The following LRP1B variants were observed in gnomAD, a reference collection of about 807,000 sequenced individuals.
LRP1B encodes the protein LDL receptor related protein 1B.
LRP1B carries 217 observed loss-of-function variants against 556.6 expected under a neutral mutation model. That is an observed-to-expected ratio of 0.39 (90% CI 0.35 to 0.44). The LOEUF (loss-of-function observed/expected upper bound fraction) is 0.44. Ranked by LOEUF, LRP1B falls within the 20% of genes least tolerant of loss-of-function variation. The probability of loss-of-function intolerance (pLI) is 1.00; values close to 1 mark genes in which losing one functional copy is unlikely to be tolerated. For synonymous variants in LRP1B, 2,047 were observed against 1,865.8 expected, an observed-to-expected ratio of 1.10 and a Z score of -2.50; for missense variants, 5,053 against 5,620.8, an observed-to-expected ratio of 0.90 and a Z score of 3.23.
chr2:141,976,745 G>A (rs1701899091), intron 1 of LRP1B, among the ~76,000 whole-genome samples: 1 of 152,156 alleles, frequency 6.6e-6, no homozygotes, highest in South Asian at 2.1e-4. Context: ...ATCTAGGTGG[G>A]TGGAACTGAT....
At chr2:141,785,606 G>A (rs1695405527) in intron 2 of LRP1B, among the ~76,000 whole-genome samples, 1 of 151,276 alleles carries the variant, frequency 6.6e-6, no homozygotes, top group Non-Finnish European at 1.5e-5. Context: ...AGTAAAGATG[G>A]TCAGAGTGTT....
intron 1 of LRP1B, among the ~76,000 whole-genome samples, chr2:142,088,974 C>CA (rs1289382985): frequency 0.13 from 5,185 of 39,548 alleles, 181 homozygotes; most frequent in Non-Finnish European, 0.16. Flanking sequence ...GGCTCCGTCT[C>CA]AAAAAAAAAA....
At chr2:140,967,901 AT>A (rs1281653836) in intron 18 of LRP1B, among the ~76,000 whole-genome samples, 2 of 151,488 alleles carry the variant, frequency 1.3e-5, no homozygotes, top group Non-Finnish European at 2.9e-5. Context: ...CCACTTGATC[AT>A]GGTGGATAAG....
At chr2:140,781,818 C>T (rs750228726) in intron 32 of LRP1B, among the ~76,000 whole-genome samples, 2 of 152,210 alleles carry the variant, frequency 1.3e-5, no homozygotes, top group Non-Finnish European at 2.9e-5. Context: ...ATACTTCTTT[C>T]TCCCTCATTC....
At chr2:140,252,302 T>A (rs1681472816) in intron 86 of LRP1B, among the ~76,000 whole-genome samples, 2 of 151,860 alleles carry the variant, frequency 1.3e-5, no homozygotes, top group African/African-American at 4.8e-5. Context: ...AAAAATTTTC[T>A]ATCTCAACTT....
intron 3 of LRP1B, among the ~76,000 whole-genome samples, chr2:141,419,840 G>A (rs1468192382): frequency 6.9e-6 from 1 of 144,246 alleles, no homozygotes; most frequent in African/African-American, 2.6e-5. Flanking sequence ...TTATTTATTT[G>A]AGATCTTTAT....
intron 84 of LRP1B, among the ~76,000 whole-genome samples, chr2:140,276,720 C>T (rs1682686464): frequency 6.6e-6 from 1 of 151,964 alleles, no homozygotes; most frequent in Non-Finnish European, 1.5e-5. Flanking sequence ...TCTGATGAGA[C>T]ATAGAAGTCT....
chr2:140,435,940 CG>C (rs1449839951), intron 66 of LRP1B, among the ~76,000 whole-genome samples: 1 of 151,806 alleles, frequency 6.6e-6, no homozygotes, highest in African/African-American at 2.4e-5. Context: ...TGCCATTATG[CG>C]GGCTCTCTCT....
chr2:140,233,271 C>T lies in LRP1B; in HGVS notation c.13715G>A (p.Cys4572Tyr), dbSNP rs764168921. ...ATCAACACTTCCTAAGGAGTTTCGA[C>T]AGTTTTGCCCATCCATATATAATTT... Reference protein sequence around the residue: ...YAKLYMDGQNCRNSLGSVDER... With the variant: ...YAKLYMDGQNYRNSLGSVDER... The change falls in exon 91 of 91, where the codon TGT (cysteine) becomes TAT (tyrosine). Residue 4572 changes from cysteine to tyrosine, a missense_variant. By Grantham distance (194) the Cys-to-Tyr change is radical. Coordinates refer to ENST00000389484, the MANE Select transcript of LRP1B (RefSeq NM_018557.3). The T allele has an allele frequency of 1.2e-6, 2 of 1,605,458 alleles. No homozygotes were observed. The highest frequency in any genetic ancestry group is 1.1e-5 in the South Asian group (1 of 90,692).
chr2:142,077,690 G>A (rs905344813), intron 1 of LRP1B, among the ~76,000 whole-genome samples: 1 of 152,032 alleles, frequency 6.6e-6, no homozygotes, highest in Non-Finnish European at 1.5e-5. Context: ...CTCTGCAGGG[G>A]AGAGAGTTTG....
At position 142,114,749 on chromosome 2, in the gene LRP1B, G is replaced by A. The variant is rs550591631; in HGVS notation, c.82+15899C>T. ...TAGAGCAATAGATACTGAAGCCCGG[G>A]AAAGGTGTGCTAGGGTGGGAAATGA... On this transcript the variant is annotated intron_variant, in intron 1 of 90. Coordinates refer to ENST00000389484, the MANE Select transcript of LRP1B (RefSeq NM_018557.3). 2.6e-5 allele frequency among the ~76,000 whole-genome samples: 4 copies of A among 152,224 alleles called. No individual in the cohort carries two copies. The South Asian group carries it at 6.2e-4, about 24-fold the overall frequency.
intron 1 of LRP1B, among the ~76,000 whole-genome samples, chr2:141,948,410 T>C (rs1366630155): frequency 2.6e-5 from 4 of 152,172 alleles, no homozygotes; most frequent in Middle Eastern, 3.4e-3. Flanking sequence ...TAGCTATAAA[T>C]ATATTGTAAA....
chr2:141,502,941 A>G (rs547810613), intron 2 of LRP1B, among the ~76,000 whole-genome samples: 1 of 151,006 alleles, frequency 6.6e-6, no homozygotes, highest in East Asian at 1.9e-4. Context: ...GGTTGTAATT[A>G]TATTCAAGTT....
intron 7 of LRP1B, among the ~76,000 whole-genome samples, chr2:141,108,672 C>T (rs560479793): frequency 6.6e-6 from 1 of 152,026 alleles, no homozygotes; most frequent in South Asian, 2.1e-4. Flanking sequence ...ATAATCTAAA[C>T]ATATTTAGAC....
At chr2:141,624,036 C>CAAAA in intron 2 of LRP1B, among the ~76,000 whole-genome samples, 7 of 90,756 alleles carry the variant, frequency 7.7e-5, no homozygotes, top group Non-Finnish European at 1.0e-4. Flanking sequence ...AAAAATTAAA[C>CAAAA]AAAAAAAAAA....
intron 1 of LRP1B, among the ~76,000 whole-genome samples, chr2:141,864,563 G>A (rs1308703949): frequency 5.6e-5 from 8 of 144,068 alleles, no homozygotes; most frequent in East Asian, 2.1e-4. Flanking sequence ...AATCTTGAGG[G>A]AAAAAAAAAA....
intron 3 of LRP1B, among the ~76,000 whole-genome samples, chr2:141,329,954 T>C (rs923916482): frequency 8.0e-5 from 12 of 150,226 alleles, no homozygotes; most frequent in African/African-American, 2.7e-4. Flanking sequence ...TCTCATGGTA[T>C]TGCACCTGGA....
intron 2 of LRP1B, among the ~76,000 whole-genome samples, chr2:141,543,532 A>AG (rs1385532082): frequency 6.6e-6 from 1 of 150,448 alleles, no homozygotes; most frequent in Non-Finnish European, 1.5e-5. Flanking sequence ...AAAAAAAAAA[A>AG]AAAAAAGTTA....
chr2:141,395,086 T>G (rs1005340823), intron 3 of LRP1B, among the ~76,000 whole-genome samples: 1 of 152,118 alleles, frequency 6.6e-6, no homozygotes, highest in Non-Finnish European at 1.5e-5. Flanking sequence ...TACCACCTAG[T>G]AATGTCATAG....
Sources: allele counts gnomAD v4.1 joint callset (sites outside exome capture counted in the v4.1 genomes callset), GRCh38; gene constraint gnomAD v4.1.1; transcripts MANE v1.5; gene names NCBI Gene and HGNC (gene_info 2026-07-23, HGNC 2026-07-21).